The following RIT2 variants were observed in gnomAD, a reference collection of about 807,000 sequenced individuals.
RIT2 encodes the protein GTP-binding protein Rit2.
RIT2 carries 24 observed loss-of-function variants against 23.7 expected under a neutral mutation model. The ratio of observed to expected loss-of-function variants is 1.01; its 90% CI spans 0.73 to 1.43. RIT2 has a LOEUF of 1.43. RIT2 is among the 40% of genes most tolerant of loss of function. The pLI, the probability that RIT2 is intolerant of heterozygous loss-of-function variation, is 0.00. For synonymous variants in RIT2, 107 were observed against 91.1 expected (o/e 1.17, Z -0.99); for missense variants, 236 against 266.9 (o/e 0.88, Z 0.81).
chr18:43,070,146 G>T (rs561439420), intron 1 of RIT2, among the ~76,000 whole-genome samples: 1 of 152,146 alleles, frequency 6.6e-6, no homozygotes, highest in African/African-American at 2.4e-5. Flanking sequence ...GGGACTTATT[G>T]CTTTAGAAGT....
At chr18:42,816,776 A>G (rs1279282848) in intron 4 of RIT2, among the ~76,000 whole-genome samples, 1 of 152,176 alleles carries the variant, frequency 6.6e-6, no homozygotes, top group Non-Finnish European at 1.5e-5. Flanking sequence ...GGATAAAAAA[A>G]CCAACAATAA....
intron 4 of RIT2, among the ~76,000 whole-genome samples, chr18:42,921,347 C>T (rs76116628): frequency 1.0e-3 from 156 of 152,238 alleles, no homozygotes; most frequent in Admixed American, 2.0e-3. Context: ...ATCTTGTTTA[C>T]AGTACTTGCT....
At chr18:42,814,662 C>T (rs9948227) in intron 4 of RIT2, among the ~76,000 whole-genome samples, 34 of 152,292 alleles carry the variant, frequency 2.2e-4, no homozygotes, top group African/African-American at 8.2e-4. Context: ...AGGGCAAATA[C>T]TCCTGGGAGT....
intron 4 of RIT2, among the ~76,000 whole-genome samples, chr18:42,746,244 T>C (rs1912913910): frequency 6.6e-6 from 1 of 152,222 alleles, no homozygotes; most frequent in African/African-American, 2.4e-5. Flanking sequence ...TCAACTCACA[T>C]TGAAGCATGG....
intron 3 of RIT2, among the ~76,000 whole-genome samples, chr18:42,932,725 C>T (rs1909356793): frequency 6.6e-6 from 1 of 152,064 alleles, no homozygotes; most frequent in Non-Finnish European, 1.5e-5. Context: ...TTTCTCATAG[C>T]TAATTAAAAT....
intron 3 of RIT2, among the ~76,000 whole-genome samples, chr18:42,943,386 G>C (rs905851550): frequency 6.6e-6 from 1 of 151,870 alleles, no homozygotes; most frequent in African/African-American, 2.4e-5. Flanking sequence ...CCCCTTATAA[G>C]ACAGAAAAGT....
At chr18:43,107,447 A>G (rs1441916082) in intron 1 of RIT2, among the ~76,000 whole-genome samples, 3 of 152,148 alleles carry the variant, frequency 2.0e-5, no homozygotes, top group African/African-American at 7.2e-5. Flanking sequence ...ATACACACAC[A>G]AACACTCTTT....
intron 1 of RIT2, among the ~76,000 whole-genome samples, chr18:43,054,764 C>T (rs1912460026): frequency 6.6e-6 from 1 of 152,008 alleles, no homozygotes; most frequent in Non-Finnish European, 1.5e-5. Flanking sequence ...TGTAAATTGG[C>T]CATTCTGCTC....
intron 1 of RIT2, among the ~76,000 whole-genome samples, chr18:43,110,058 C>G (rs558785057): frequency 1.3e-5 from 2 of 152,076 alleles, no homozygotes; most frequent in Admixed American, 1.3e-4. Flanking sequence ...TCCTACTTGC[C>G]TTCTTACTTT....
At chr18:42,950,760 AAAATGGTATAGAAGTGGCCCCC>A (rs1909831762) in intron 3 of RIT2, among the ~76,000 whole-genome samples, 1 of 152,078 alleles carries the variant, frequency 6.6e-6, no homozygotes, top group African/African-American at 2.4e-5. Context: ...CATTTAAAAA[AAAATGGTATAGAAGTGGCCCCC>A]AAACTTGTGG....
intron 4 of RIT2, among the ~76,000 whole-genome samples, chr18:42,747,541 A>AG (rs1912946946): frequency 6.6e-6 from 1 of 152,072 alleles, no homozygotes; most frequent in African/African-American, 2.4e-5. Context: ...ACTAGAAAAA[A>AG]CAATCCTAAA....
At chr18:42,942,446 T>C (rs1214061910) in intron 3 of RIT2, among the ~76,000 whole-genome samples, 1 of 152,162 alleles carries the variant, frequency 6.6e-6, no homozygotes, top group African/African-American at 2.4e-5. Context: ...AGCTACGTAC[T>C]GTCTTCCTCT....
intron 4 of RIT2, chr18:42,923,317 T>C (rs1273587070): frequency 2.7e-6 from 1 of 373,274 alleles, no homozygotes; most frequent in African/African-American, 2.1e-5. Flanking sequence ...GAATCATTTC[T>C]ACTGTATTCA....
chr18:42,899,539 TA>T (rs2144104607), intron 4 of RIT2, among the ~76,000 whole-genome samples: 3 of 152,118 alleles, frequency 2.0e-5, no homozygotes, highest in African/African-American at 7.2e-5. Context: ...CTTCCCATCC[TA>T]CAAGTCTGAG....
Position 42,743,260 on chromosome 18 carries a change from T to C in RIT2, c.*233A>G. On this transcript the variant is annotated 3_prime_UTR_variant, in exon 5 of 5. Transcript: ENST00000326695. ...TTGGAATGTCAATTTTATTTAGTAC[T>C]ATGTTGTAAAAACTAAACAGCATAT... The C allele has an allele frequency of 1.9e-6, 1 of 539,102 alleles. No homozygotes were observed. The highest frequency in any genetic ancestry group is 3.3e-5 in the East Asian group (1 of 30,638). The allele number at this position is 539,102 out of a possible 1,614,324, so 33.4% of individuals were successfully genotyped here. A position where few individuals can be genotyped will look rare whatever the true frequency, so the allele number is the denominator to read the frequency against.
At chr18:42,906,358 C>T (rs1480669213) in intron 4 of RIT2, among the ~76,000 whole-genome samples, 1 of 152,078 alleles carries the variant, frequency 6.6e-6, no homozygotes. Flanking sequence ...ACTGAATATG[C>T]AGCAAAGTAG....
intron 1 of RIT2, among the ~76,000 whole-genome samples, chr18:43,055,152 G>A (rs936432663): frequency 6.6e-6 from 1 of 152,046 alleles, no homozygotes; most frequent in African/African-American, 2.4e-5. Flanking sequence ...CCCTATTCGT[G>A]AGAGAAGAGC....
At chr18:42,994,548 C>T (rs935664178) in intron 2 of RIT2, among the ~76,000 whole-genome samples, 31 of 152,084 alleles carry the variant, frequency 2.0e-4, no homozygotes, top group African/African-American at 6.0e-4. Flanking sequence ...TTCCATTCCT[C>T]GAAGACAGCT....
At chr18:42,794,833 C>T (rs545245967) in intron 4 of RIT2, among the ~76,000 whole-genome samples, 38 of 152,216 alleles carry the variant, frequency 2.5e-4, no homozygotes, top group African/African-American at 8.7e-4. Flanking sequence ...GCTAATTTTT[C>T]TTTTAGCCTG....
Sources: allele counts gnomAD v4.1 joint callset (sites outside exome capture counted in the v4.1 genomes callset), GRCh38; gene constraint gnomAD v4.1.1; transcripts MANE v1.5; gene names NCBI Gene and HGNC (gene_info 2026-07-23, HGNC 2026-07-21).